UBE3C: variants seen among roughly 807,000 people sequenced by gnomAD.
UBE3C encodes ubiquitin-protein ligase E3C.
Under a neutral mutation model 129.4 loss-of-function variants are expected in UBE3C, and 42 were observed. The ratio of observed to expected loss-of-function variants is 0.32; its 90% CI spans 0.25 to 0.42. UBE3C has a LOEUF of 0.42. Ranked by LOEUF, UBE3C falls within the 10% of genes least tolerant of loss-of-function variation. UBE3C has a pLI of 1.00. For missense variants in UBE3C, 1,049 were observed against 1,319.1 expected (o/e 0.80, Z 3.17); for synonymous variants, 510 against 492.4 (o/e 1.04, Z -0.47).
chr7:157,168,972 A>G (rs1397390042), intron 2 of UBE3C, 76 bp from the exon 3 acceptor site: 2 of 1,204,722 alleles, frequency 1.7e-6, no homozygotes, highest in Non-Finnish European at 2.5e-6. Flanking sequence ...TAGTGTTTTT[A>G]AAGTCTTTAC....
intron 11 of UBE3C, among the ~76,000 whole-genome samples, chr7:157,205,638 C>T (rs1447453940): frequency 6.6e-6 from 1 of 152,154 alleles, no homozygotes; most frequent in Non-Finnish European, 1.5e-5. Context: ...GACAATTGTG[C>T]TTTGTCCCTT....
At chr7:157,254,934 C>T (rs187852038) in intron 21 of UBE3C, among the ~76,000 whole-genome samples, 1 of 86,286 alleles carries the variant, frequency 1.2e-5, no homozygotes, top group East Asian at 5.5e-4. Flanking sequence ...TGGCGTACAC[C>T]TGCAGTCCCG....
chr7:157,254,048 G>T lies in UBE3C; in HGVS notation c.2789G>T (p.Arg930Met), dbSNP rs1563076239. The T allele has an allele frequency of 6.2e-7, 1 of 1,613,818 alleles. No homozygotes were observed. Among genetic ancestry groups the T allele is most frequent in the Non-Finnish European group, 8.5e-7 (1 of 1,179,918 alleles). The change falls in exon 20 of 23, where the codon AGG becomes ATG. Residue 930 changes from arginine (R) to methionine (M), a missense_variant. Physicochemically the swap from Arg to Met is moderately conservative, Grantham distance 91. Transcript: ENST00000348165. ...IHLVADYRLNRQIRQHCLAFR... is the reference protein window; with the variant it reads ...IHLVADYRLNMQIRQHCLAFR... The stretch of plus-strand genomic sequence containing the variant: ...TTGGTGGCAGACTACAGGCTGAACA[G>T]GCAGATCCGCCAGCACTGCCTGGCT...
chr7:157,226,231 T>C (rs889422476), intron 17 of UBE3C, among the ~76,000 whole-genome samples: 5 of 152,104 alleles, frequency 3.3e-5, no homozygotes, highest in Admixed American at 2.6e-4. Flanking sequence ...ATAAGTGCCA[T>C]TGCAATCCAA....
At chr7:157,228,994 A>G (rs189069776) in intron 17 of UBE3C, among the ~76,000 whole-genome samples, 48 of 152,306 alleles carry the variant, frequency 3.2e-4, no homozygotes, top group African/African-American at 9.9e-4. Flanking sequence ...TAGAGGTTAC[A>G]TGTCCCTTGA....
intron 5 of UBE3C, among the ~76,000 whole-genome samples, chr7:157,176,588 T>G (rs1323113994): frequency 6.6e-6 from 1 of 152,248 alleles, no homozygotes; most frequent in Non-Finnish European, 1.5e-5. Flanking sequence ...CCCATGTTTC[T>G]TTAACAACAA....
At chr7:157,264,526 C>T (rs572401750) in intron 22 of UBE3C, among the ~76,000 whole-genome samples, 3 of 151,594 alleles carry the variant, frequency 2.0e-5, no homozygotes, top group East Asian at 1.9e-4. Flanking sequence ...TACACACACA[C>T]ACACACACCT....
In UBE3C at chr7:157,139,310, A is replaced by G; in HGVS notation, c.38A>G (p.Lys13Arg). 6.3e-7 allele frequency: 1 copy of G among 1,584,100 alleles called. No individual in the cohort carries two copies. Among genetic ancestry groups the G allele is most frequent in the Non-Finnish European group, 8.5e-7 (1 of 1,172,496 alleles). Residue 13 changes from lysine to arginine, a missense_variant, in exon 1 of 23, where the codon AAG (lysine) becomes AGG (arginine). By Grantham distance (26) the Lys-to-Arg change is conservative. Transcript: ENST00000348165. ...SFEGDFKTRP[K>R]VSLGGASRKE... Reference sequence around the variant, plus strand: ...GAAGGCGACTTCAAGACGCGGCCCAAGGTGTCCCTTGGCGGCGCGAGCAGG... The same window carrying G: ...GAAGGCGACTTCAAGACGCGGCCCAGGGTGTCCCTTGGCGGCGCGAGCAGG...
rs1796019138 is a variant in UBE3C at position 157,231,424 on chromosome 7, G to A, written c.2481+97G>A. On this transcript the variant is annotated intron_variant, in intron 18 of 22. Transcript: ENST00000348165. ...TTATCCAGGTTTACCATAAAATACT[G>A]TTTGTTTTAAATTTGGATGCTAAAT... is the stretch of plus-strand genomic sequence containing the variant. The A allele has an allele frequency of 2.0e-6, 3 of 1,523,780 alleles. No homozygotes were observed. The East Asian group carries it at 6.8e-5, about 34-fold the overall frequency. The allele number at this position is 1,523,780 out of a possible 1,614,324, so 94.4% of individuals were successfully genotyped here. A position where few individuals can be genotyped will look rare whatever the true frequency, so the allele number is the denominator to read the frequency against.
intron 13 of UBE3C, among the ~76,000 whole-genome samples, chr7:157,213,557 T>C (rs1451072202): frequency 6.6e-6 from 1 of 152,252 alleles, no homozygotes; most frequent in Non-Finnish European, 1.5e-5. Context: ...CCCTTTTTGG[T>C]GCTAGATACT....
rs148727633 is a variant in UBE3C at position 157,248,194 on chromosome 7, G to A, written c.2482-174G>A. ...TAGTGCGTGCATTGAATGCCTGCACGGGATCCTGGAGCACAGTACCTGCCC... is the reference window on the plus strand; with the variant it reads ...TAGTGCGTGCATTGAATGCCTGCACAGGATCCTGGAGCACAGTACCTGCCC... On this transcript the variant is annotated intron_variant, in intron 18 of 22. Transcript: ENST00000348165. Among the ~76,000 whole-genome samples, 646 of 152,290 alleles carry A rather than the reference G, an allele frequency of 4.2e-3. 12 individuals are homozygous for A. In the South Asian group the frequency reaches 0.046, roughly 11 times the overall value.
chr7:157,250,713 A>C (rs2116686600), intron 19 of UBE3C, among the ~76,000 whole-genome samples: 1 of 152,256 alleles, frequency 6.6e-6, no homozygotes, highest in Non-Finnish European at 1.5e-5. Context: ...CACCAATGCA[A>C]AATTTAGATA....
chr7:157,219,932 C>T (rs553349094), intron 14 of UBE3C, among the ~76,000 whole-genome samples: 249 of 151,874 alleles, frequency 1.6e-3, no homozygotes, highest in Non-Finnish European at 2.9e-3. Context: ...AAGGGCCAGC[C>T]GGGTGTGGTG....
chr7:157,153,943 G>A (rs1807829919), intron 1 of UBE3C, among the ~76,000 whole-genome samples: 2 of 152,158 alleles, frequency 1.3e-5, no homozygotes, highest in South Asian at 2.1e-4. Context: ...CAGTGAGTGA[G>A]CCAAGACCGC....
chr7:157,230,983 C>A, intron 17 of UBE3C, 97 bp from the exon 18 acceptor site: 4 of 1,496,096 alleles, frequency 2.7e-6, no homozygotes, highest in South Asian at 1.3e-5. Flanking sequence ...TCCCTAAGAT[C>A]CTCACACCCC....
intron 13 of UBE3C, among the ~76,000 whole-genome samples, chr7:157,212,407 A>G (rs1809620743): frequency 6.6e-6 from 1 of 152,210 alleles, no homozygotes; most frequent in Non-Finnish European, 1.5e-5. Flanking sequence ...AAATGTCACA[A>G]TTTAGGATTA....
chr7:157,195,450 C>T (rs1809091679), intron 10 of UBE3C, among the ~76,000 whole-genome samples: 1 of 152,170 alleles, frequency 6.6e-6, no homozygotes, highest in Admixed American at 6.5e-5. Context: ...GAGAACTGAG[C>T]AGTGAGCTGA....
intron 1 of UBE3C, among the ~76,000 whole-genome samples, chr7:157,145,874 A>G (rs1279774242): frequency 6.6e-6 from 1 of 152,130 alleles, no homozygotes; most frequent in Non-Finnish European, 1.5e-5. Flanking sequence ...TACATCTTGT[A>G]TCTGTGTGGT....
intron 1 of UBE3C, among the ~76,000 whole-genome samples, chr7:157,156,959 G>A (rs1270174091): frequency 6.6e-6 from 1 of 152,118 alleles, no homozygotes; most frequent in Non-Finnish European, 1.5e-5. Context: ...CTTATTTATA[G>A]TTAATGTCTT....
Sources: gnomAD v4.1 joint callset for allele counts (sites outside exome capture counted in the v4.1 genomes callset) on GRCh38, gnomAD v4.1.1 for gene constraint, MANE v1.5 for transcripts, NCBI Gene and HGNC (gene_info 2026-07-23, HGNC 2026-07-21) for gene names.